Variants in SP110 observed in about 807,000 individuals in gnomAD.
The protein encoded by SP110 is interferon-induced protein 41, 30kD.
SP110 carries 62 observed loss-of-function variants against 92.7 expected under a neutral mutation model. The ratio of observed to expected loss-of-function variants is 0.67; its 90% CI spans 0.55 to 0.83. The LOEUF (loss-of-function observed/expected upper bound fraction) is 0.83. SP110 is among the 40% of genes least tolerant of loss of function. The pLI is 0.00. For missense variants in SP110, 793 were observed against 863.9 expected, an observed-to-expected ratio of 0.92 and a Z score of 1.03; for synonymous variants, 273 against 305.3, an observed-to-expected ratio of 0.89 and a Z score of 1.10.
chr2:230,192,974 T>C (rs907911971), intron 10 of SP110, among the ~76,000 whole-genome samples: 1 of 152,194 alleles, frequency 6.6e-6, no homozygotes, highest in Admixed American at 6.5e-5. Flanking sequence ...TATTATTGTG[T>C]TGTTGTCTTA....
chr2:230,191,310 T>C lies in SP110; in HGVS notation c.1130-5167A>G, dbSNP rs187174291. The stretch of plus-strand genomic sequence containing the variant: ...AAGATCAGAGAAAAATTGAAGGAGA[T>C]AGAGACACAAAAAACCCTCAAAAAA... On this transcript the variant is annotated intron_variant, in intron 10 of 18. Transcript: ENST00000258381. 3.5e-3 allele frequency among the ~76,000 whole-genome samples: 521 copies of C among 150,934 alleles called. 2 individuals carry two copies. The highest frequency in any genetic ancestry group is 6.3e-3 in the Non-Finnish European group (430 of 67,728).
At chr2:230,212,528 A>G in intron 4 of SP110, 98 bp from the exon 5 acceptor site, 2 of 1,111,660 alleles carry the variant, frequency 1.8e-6, no homozygotes, top group East Asian at 2.4e-5. Context: ...GCATCAAGGC[A>G]CAAGGGCAGA....
intron 18 of SP110, among the ~76,000 whole-genome samples, chr2:230,170,022 A>C (rs1297450104): frequency 2.0e-5 from 3 of 152,160 alleles, no homozygotes; most frequent in African/African-American, 7.2e-5. Context: ...AATCTTCCTT[A>C]GGTACCTCCC....
chr2:230,206,486 T>A (rs188657191), intron 8 of SP110, among the ~76,000 whole-genome samples: 13 of 151,064 alleles, frequency 8.6e-5, no homozygotes, highest in African/African-American at 3.2e-4. Context: ...CAGGGCTAGG[T>A]CTGTGGTTCT....
chr2:230,165,670 C>T lies in SP110; in HGVS notation c.*3454G>A, dbSNP rs1046892806. 3.9e-5 allele frequency among the ~76,000 whole-genome samples: 6 copies of T among 151,948 alleles called. No homozygotes were observed. Among genetic ancestry groups the T allele is most frequent in the Non-Finnish European group, 7.4e-5 (5 of 68,004 alleles). Reference sequence around the variant, plus strand: ...CTGAGAGGTATCAAAGTGATAAACGCATTGCCTTAAGTATGTGACACATTA... The same window carrying T: ...CTGAGAGGTATCAAAGTGATAAACGTATTGCCTTAAGTATGTGACACATTA... On this transcript the variant is annotated 3_prime_UTR_variant, in exon 19 of 19. Coordinates refer to ENST00000258381, the MANE Select transcript of SP110 (RefSeq NM_080424.4).
rs1176414912 is a variant in SP110 at position 230,167,140 on chromosome 2, T to C, written c.*1984A>G. On this transcript the variant is annotated 3_prime_UTR_variant, in exon 19 of 19. Coordinates refer to ENST00000258381, the MANE Select transcript of SP110 (RefSeq NM_080424.4). ...TTTTTTTTTTGAGGCAGGGTCTCTG[T>C]TGTCCAGGCTGGAGTGCAGTGGTGC... 1.3e-5 allele frequency: 2 copies of C among 150,780 alleles called. No homozygotes were observed. 9.3% of individuals were successfully genotyped at this position (150,780 alleles called of 1,614,324 possible).
intron 16 of SP110, 105 bp downstream of exon 16, chr2:230,171,961 G>C: frequency 2.3e-6 from 2 of 855,498 alleles, no homozygotes; most frequent in Non-Finnish European, 4.1e-6. Flanking sequence ...CCTTTAAAGG[G>C]AGACATTGAA....
rs941213755 is a variant in SP110 at position 230,165,987 on chromosome 2, G to A, written c.*3137C>T. On this transcript the variant is annotated 3_prime_UTR_variant, in exon 19 of 19. Transcript: ENST00000258381. ...CGGCTCACTGCAACCTCCACCTCCCGGGTTCAAGCGATTCTCCTGCCTCAG... is the reference window on the plus strand; with the variant it reads ...CGGCTCACTGCAACCTCCACCTCCCAGGTTCAAGCGATTCTCCTGCCTCAG... Among the ~76,000 whole-genome samples, 11 of 149,420 alleles carry A rather than the reference G, an allele frequency of 7.4e-5. No individual in the cohort carries two copies. The highest frequency in any genetic ancestry group is 2.0e-4 in the East Asian group (1 of 5,094).
intron 10 of SP110, among the ~76,000 whole-genome samples, chr2:230,187,895 C>T (rs2042429334): frequency 6.6e-6 from 1 of 152,066 alleles, no homozygotes; most frequent in South Asian, 2.1e-4. Context: ...GTAACTATAG[C>T]CTTGTAGTAT....
At chr2:230,199,936 C>T (rs1216313590) in intron 10 of SP110, among the ~76,000 whole-genome samples, 1 of 152,092 alleles carries the variant, frequency 6.6e-6, no homozygotes, top group African/African-American at 2.4e-5. Flanking sequence ...GGCAGCCAGC[C>T]CTTACCCAGG....
chr2:230,216,996 G>C (rs549852188), intron 1 of SP110, 68 bp from the exon 2 acceptor site: 4 of 1,435,930 alleles, frequency 2.8e-6, no homozygotes, highest in Non-Finnish European at 3.8e-6. Flanking sequence ...CTGTAATCCC[G>C]GCACTTTGGG....
At chr2:230,182,683 G>A (rs144173852) in intron 12 of SP110, among the ~76,000 whole-genome samples, 14 of 152,248 alleles carry the variant, frequency 9.2e-5, no homozygotes, top group South Asian at 6.2e-4. Context: ...GGGTGTTGGT[G>A]ACATCCTGTG....
chr2:230,210,039 CTCAG>C (rs774367643), intron 6 of SP110, 31 bp from the exon 7 acceptor site: 57 of 1,348,684 alleles, frequency 4.2e-5, no homozygotes, highest in Non-Finnish European at 5.9e-5. Context: ...CATTTCAGAG[CTCAG>C]ATCCAGTGAA....
chr2:230,184,171 C>T (rs1157032151), intron 11 of SP110, among the ~76,000 whole-genome samples: 1 of 152,190 alleles, frequency 6.6e-6, no homozygotes, highest in African/African-American at 2.4e-5. Flanking sequence ...TCATTTTTAA[C>T]TTATAAATTG....
intron 10 of SP110, among the ~76,000 whole-genome samples, chr2:230,190,889 G>A (rs2042597308): frequency 6.6e-6 from 1 of 152,090 alleles, no homozygotes; most frequent in Admixed American, 6.6e-5. Context: ...TTATTTCTGA[G>A]GTCTCTGTTC....
chr2:230,201,576 A>G (rs540358688), intron 9 of SP110, among the ~76,000 whole-genome samples: 5 of 152,358 alleles, frequency 3.3e-5, no homozygotes, highest in Non-Finnish European at 5.9e-5. Flanking sequence ...CCTTGAGTAC[A>G]TATCTGACAT....
Position 230,168,987 on chromosome 2 carries a change from T to C in SP110, c.*137A>G. 1 of 732,702 alleles carries C rather than the reference T, an allele frequency of 1.4e-6. No homozygotes were observed. The highest frequency in any genetic ancestry group is 2.5e-6 in the Non-Finnish European group (1 of 398,764). The allele number at this position is 732,702 out of a possible 1,614,324, so 45.4% of individuals were successfully genotyped here. A position where few individuals can be genotyped will look rare whatever the true frequency, so the allele number is the denominator to read the frequency against. ...GAAAGAATAAAGATGGAGGGTGTGA[T>C]AATCCTATGAAGTGTCTGGGTTTGG... On this transcript the variant is annotated 3_prime_UTR_variant, in exon 19 of 19. Coordinates refer to ENST00000258381, the MANE Select transcript of SP110 (RefSeq NM_080424.4).
At chr2:230,174,603 G>A (rs1233366858) in intron 14 of SP110, among the ~76,000 whole-genome samples, 1 of 152,232 alleles carries the variant, frequency 6.6e-6, no homozygotes, top group Non-Finnish European at 1.5e-5. Context: ...TATGCTGATA[G>A]AGTGGCAACT....
chr2:230,194,531 G>A (rs1362033640), intron 10 of SP110, among the ~76,000 whole-genome samples: 1 of 152,176 alleles, frequency 6.6e-6, no homozygotes, highest in African/African-American at 2.4e-5. Flanking sequence ...AAAGAAAAGT[G>A]GGATGAAGCA....
Sources: gnomAD v4.1 joint callset for allele counts (sites outside exome capture counted in the v4.1 genomes callset) on GRCh38, gnomAD v4.1.1 for gene constraint, MANE v1.5 for transcripts, NCBI Gene and HGNC (gene_info 2026-07-23, HGNC 2026-07-21) for gene names.